Variants in ERI1 observed in about 807,000 individuals in gnomAD.
The protein encoded by ERI1 is 3'-5' exoribonuclease 1.
A neutral mutation model predicts 39.7 loss-of-function variants in ERI1; 39 were observed. The ratio of observed to expected loss-of-function variants is 0.98; its 90% CI spans 0.76 to 1.28. The LOEUF (loss-of-function observed/expected upper bound fraction) is 1.28. Among genes scored for constraint, ERI1 ranks in the 50% most tolerant of loss-of-function variants. The pLI, the probability that ERI1 is intolerant of heterozygous loss-of-function variation, is 0.00. For synonymous variants in ERI1, 204 were observed against 149.6 expected, an observed-to-expected ratio of 1.36 and a Z score of -2.65; for missense variants, 581 against 416.9, an observed-to-expected ratio of 1.39 and a Z score of -3.43.
chr8:9,068,228 C>T (rs929830950), intron 3 of ERI1, among the ~76,000 whole-genome samples: 2 of 152,106 alleles, frequency 1.3e-5, no homozygotes, highest in Non-Finnish European at 2.9e-5. Flanking sequence ...TTTAAAGAAG[C>T]GTTTCTGGAA....
intron 3 of ERI1, among the ~76,000 whole-genome samples, chr8:9,053,573 G>C (rs572921058): frequency 6.6e-6 from 1 of 152,160 alleles, no homozygotes; most frequent in Non-Finnish European, 1.5e-5. Context: ...GTGCTTTGTT[G>C]AGTTCTATGA....
In ERI1 at chr8:9,002,986, G is replaced by T. The variant is rs1191118966; in HGVS notation, c.-78G>T. On this transcript the variant is annotated 5_prime_UTR_variant, in exon 1 of 7. Coordinates refer to ENST00000250263, the MANE Select transcript of ERI1 (RefSeq NM_153332.4). ...CCCGGTAATTTTTCAACGGAGAAAG[G>T]CGAGGCTTTCGGGCTCTGCAGAGTG... 1.7e-5 allele frequency: 17 copies of T among 1,027,372 alleles called. No individual in the cohort carries two copies. The highest frequency in any genetic ancestry group is 1.3e-6 in the Non-Finnish European group (1 of 795,000). 63.6% of individuals were successfully genotyped at this position (1,027,372 alleles called of 1,614,324 possible).
chr8:9,011,638 C>G lies in ERI1; in HGVS notation c.384C>G (p.Asp128Glu), dbSNP rs369627584. The G allele has an allele frequency of 1.2e-6, 2 of 1,613,404 alleles. No individual in the cohort carries two copies. The highest frequency in any genetic ancestry group is 2.7e-5 in the African/African-American group (2 of 74,918). Residue 128 changes from aspartate to glutamate, a missense_variant, in exon 3 of 7, where the codon GAC becomes GAG. Transcript: ENST00000250263. ...GCAATTTTGCTGACAGTTATTATGA[C>G]TACATTTGTATTATTGACTTTGAAG... The part of the protein sequence containing the change: ...KESNFADSYY[D>E]YICIIDFEAT...
At chr8:9,077,152 G>A (rs1799234930) in intron 3 of ERI1, among the ~76,000 whole-genome samples, 1 of 152,150 alleles carries the variant, frequency 6.6e-6, no homozygotes, top group African/African-American at 2.4e-5. Flanking sequence ...AGCTTTCTGT[G>A]GTTTTACACT....
intron 3 of ERI1, chr8:9,049,807 GA>G (rs1213777432): frequency 2.6e-5 from 4 of 152,168 alleles, no homozygotes; most frequent in African/African-American, 9.7e-5. Flanking sequence ...GCATCAAAGA[GA>G]AGACATCAAC....
chr8:9,041,814 A>C (rs1477543228), intron 3 of ERI1, among the ~76,000 whole-genome samples: 1 of 152,176 alleles, frequency 6.6e-6, no homozygotes, highest in East Asian at 1.9e-4. Context: ...GGCTGACTTC[A>C]ACCTCTGCCT....
At chr8:9,078,922 G>T (rs148397669) in intron 3 of ERI1, among the ~76,000 whole-genome samples, 44 of 152,186 alleles carry the variant, frequency 2.9e-4, no homozygotes, top group Middle Eastern at 3.4e-3. Context: ...GGAGAGAATC[G>T]CTACTAGTGC....
chr8:9,046,575 C>T (rs1798181485), intron 3 of ERI1, among the ~76,000 whole-genome samples: 1 of 152,248 alleles, frequency 6.6e-6, no homozygotes, highest in Admixed American at 6.5e-5. Context: ...AAATAGCATC[C>T]CTAAAGAACA....
Position 9,003,167 on chromosome 8 carries a change from C to T in ERI1, c.104C>T (p.Pro35Leu). ...GGGGAGGAGCCGCCGCGTCCCAGTC[C>T]CGAGGTGAGGAGTCGACCCGCGCCT... Reference protein sequence around the residue: ...EGGEEPPRPSPEETQQCKFDG... With the variant: ...EGGEEPPRPSLEETQQCKFDG... Residue 35 changes from proline to leucine, a missense_variant, in exon 1 of 7, where the codon CCC becomes CTC. Pro to Leu is a moderately conservative substitution (Grantham distance 98). Transcript: ENST00000250263. The T allele has an allele frequency of 1.6e-6, 2 of 1,243,408 alleles. No individual in the cohort carries two copies. The highest frequency in any genetic ancestry group is 1.0e-6 in the Non-Finnish European group (1 of 991,874). The allele number at this position is 1,243,408 out of a possible 1,614,324, so 77.0% of individuals were successfully genotyped here.
At chr8:9,027,551 C>G (rs1797265592) in intron 6 of ERI1, among the ~76,000 whole-genome samples, 2 of 152,068 alleles carry the variant, frequency 1.3e-5, no homozygotes, top group African/African-American at 4.8e-5. Context: ...AAATCATTGT[C>G]CAATCCATTG....
chr8:9,078,784 C>T (rs576884101), intron 3 of ERI1, among the ~76,000 whole-genome samples: 7 of 152,280 alleles, frequency 4.6e-5, no homozygotes, highest in Non-Finnish European at 8.8e-5. Flanking sequence ...TGCTCAAAGT[C>T]AGAGAACCAA....
chr8:9,016,241 C>T (rs963031188), intron 3 of ERI1, 81 bp from the exon 4 acceptor site: 22 of 729,450 alleles, frequency 3.0e-5, no homozygotes, highest in Non-Finnish European at 4.6e-5. Context: ...TTGCAACCTG[C>T]TGTGATGAAT....
chr8:9,045,365 C>CT (rs1798143607), intron 3 of ERI1, among the ~76,000 whole-genome samples: 1 of 151,936 alleles, frequency 6.6e-6, no homozygotes, highest in Non-Finnish European at 1.5e-5. Context: ...CTTACGTATA[C>CT]TTGCACTGAA....
chr8:9,093,503 CTA>C (rs1491574925), intron 3 of ERI1, among the ~76,000 whole-genome samples: 1 of 106,624 alleles, frequency 9.4e-6, no homozygotes, highest in Non-Finnish European at 1.8e-5. Flanking sequence ...GACCTTGTCT[CTA>C]AAAAAAAAAA....
chr8:9,065,101 G>C (rs1287762364), intron 3 of ERI1, among the ~76,000 whole-genome samples: 1 of 152,132 alleles, frequency 6.6e-6, no homozygotes, highest in African/African-American at 2.4e-5. Flanking sequence ...TTTTGTGGTG[G>C]AATGTCATTA....
chr8:9,085,647 C>T (rs749008278), intron 3 of ERI1, among the ~76,000 whole-genome samples: 26 of 151,860 alleles, frequency 1.7e-4, no homozygotes, highest in Middle Eastern at 3.2e-3. Flanking sequence ...ACAAAGCCTA[C>T]AGTATTTACT....
chr8:9,053,784 T>C (rs1006551000), intron 3 of ERI1, among the ~76,000 whole-genome samples: 1 of 152,182 alleles, frequency 6.6e-6, no homozygotes, highest in African/African-American at 2.4e-5. Context: ...TGTTAGAGAA[T>C]TGATGTTGAA....
chr8:9,099,756 G>C (rs949095299), intron 3 of ERI1: 1 of 152,052 alleles, frequency 6.6e-6, no homozygotes, highest in African/African-American at 2.4e-5. Flanking sequence ...CCTATCAATG[G>C]ACCTTTGGGG....
At chr8:9,090,219 T>C (rs1271025158) in intron 3 of ERI1, among the ~76,000 whole-genome samples, 3 of 151,926 alleles carry the variant, frequency 2.0e-5, no homozygotes, top group African/African-American at 7.3e-5. Flanking sequence ...TTCTTCCTCC[T>C]CCTGATATGC....
Sources: allele counts gnomAD v4.1 joint callset (sites outside exome capture counted in the v4.1 genomes callset), GRCh38; gene constraint gnomAD v4.1.1; transcripts MANE v1.5; gene names NCBI Gene and HGNC (gene_info 2026-07-23, HGNC 2026-07-21).